NDNF: variants seen among roughly 807,000 people sequenced by gnomAD.
The protein encoded by NDNF is neuron derived neurotrophic factor.
In NDNF, 16 loss-of-function variants were observed where a neutral mutation model predicts 42.0. That is an observed-to-expected ratio of 0.38 (90% CI 0.26 to 0.58). The LOEUF (loss-of-function observed/expected upper bound fraction) is 0.58. Among genes scored for constraint, NDNF ranks in the 20% least tolerant of loss-of-function variants. The pLI is 0.67. For synonymous variants in NDNF, 248 were observed against 251.7 expected (o/e 0.99, Z 0.14); for missense variants, 616 against 666.2 (o/e 0.92, Z 0.83).
chr4:121,060,797 A>G (rs182995507), intron 1 of NDNF, among the ~76,000 whole-genome samples: 47 of 152,286 alleles, frequency 3.1e-4, no homozygotes. Flanking sequence ...ACTCTCCCTC[A>G]TCTTTACCCC....
intron 1 of NDNF, among the ~76,000 whole-genome samples, chr4:121,070,619 C>A (rs1727575169): frequency 6.6e-6 from 1 of 151,924 alleles, no homozygotes; most frequent in South Asian, 2.1e-4. Flanking sequence ...GGGAAAGCAG[C>A]AACTAAATGA....
chr4:121,039,249 A>G (rs185146351), intron 3 of NDNF, among the ~76,000 whole-genome samples: 29 of 140,498 alleles, frequency 2.1e-4, no homozygotes, highest in South Asian at 4.6e-4. Context: ...GACTATGTAT[A>G]TATATATAGT....
intron 1 of NDNF, among the ~76,000 whole-genome samples, chr4:121,061,988 A>G (rs1727420097): frequency 6.6e-6 from 1 of 152,216 alleles, no homozygotes; most frequent in South Asian, 2.1e-4. Flanking sequence ...TTCTTTTAAA[A>G]TTAAAAAGGT....
At chr4:121,057,083 G>A (rs932995330) in intron 1 of NDNF, among the ~76,000 whole-genome samples, 4 of 152,156 alleles carry the variant, frequency 2.6e-5, no homozygotes, top group African/African-American at 9.7e-5. Flanking sequence ...CTTATACTCA[G>A]TGGATAAGAG....
intron 3 of NDNF, chr4:121,038,829 T>A (rs1275977596): frequency 6.6e-6 from 1 of 151,204 alleles, no homozygotes; most frequent in Non-Finnish European, 1.5e-5. Flanking sequence ...TTTACAAAAA[T>A]ACAAAAAATT....
intron 1 of NDNF, among the ~76,000 whole-genome samples, chr4:121,065,124 T>A (rs1727477959): frequency 6.6e-6 from 1 of 152,178 alleles, no homozygotes; most frequent in Admixed American, 6.5e-5. Context: ...TATCTTGCAT[T>A]AATTTTGCTT....
intron 1 of NDNF, among the ~76,000 whole-genome samples, chr4:121,058,282 G>A (rs1197308017): frequency 6.6e-6 from 1 of 152,148 alleles, no homozygotes; most frequent in Non-Finnish European, 1.5e-5. Context: ...GAAGTTAGGG[G>A]CGGCTGTTTA....
chr4:121,046,650 G>C (rs1274486943), intron 1 of NDNF, among the ~76,000 whole-genome samples: 3 of 152,186 alleles, frequency 2.0e-5, no homozygotes, highest in Non-Finnish European at 4.4e-5. Context: ...AGCCAGAAAG[G>C]TGTATATTTA....
At position 121,036,850 on chromosome 4, in the gene NDNF, AC is replaced by A; in HGVS notation, c.1120del (p.Val374SerfsTer16). 6.2e-7 allele frequency: 1 copy of A among 1,614,122 alleles called. No individual in the cohort carries two copies. The highest frequency in any genetic ancestry group is 8.5e-7 in the Non-Finnish European group (1 of 1,180,020). On this transcript the variant is annotated frameshift_variant, in exon 4 of 4. Coordinates refer to ENST00000379692, the MANE Select transcript of NDNF (RefSeq NM_024574.4). LOFTEE classifies it high-confidence loss of function. ...CAGACAAGAGTGAATAAAGAAGGTG[AC>A]TTTTTGGTGAGAAGAGACTGGAGCA... ...RFAPVSSHQK[V>X]TFFIHSCLDA... is the part of the protein sequence containing the mutation.
chr4:121,040,140 AT>A (rs3836716), intron 2 of NDNF, 86 bp from the exon 3 acceptor site: 65 of 1,121,782 alleles, frequency 5.8e-5, no homozygotes, highest in African/African-American at 1.9e-4. Flanking sequence ...TTTGGTTTTA[AT>A]TTTTTTTTCA....
At position 121,036,995 on chromosome 4, in the gene NDNF, C is replaced by A; in HGVS notation, c.976G>T (p.Ala326Ser). The change falls in exon 4 of 4, where the codon GCT (alanine) becomes TCT (serine). Residue 326 changes from alanine to serine, a missense_variant. Physicochemically the swap from Ala to Ser is moderately conservative, Grantham distance 99 (BLOSUM62 1). Coordinates refer to ENST00000379692, the MANE Select transcript of NDNF (RefSeq NM_024574.4). Reference protein sequence around the residue: ...VVNINSNMSTAYVGTFARTKE... With the variant: ...VVNINSNMSTSYVGTFARTKE... ...GTCCTGGCAAAGGTACCTACATAAGCGGTGCTCATGTTGCTGTTGATGTTG... is the reference window on the plus strand; with the variant it reads ...GTCCTGGCAAAGGTACCTACATAAGAGGTGCTCATGTTGCTGTTGATGTTG... 1 of 1,613,934 alleles carries A rather than the reference C, an allele frequency of 6.2e-7. No homozygotes were observed. Among genetic ancestry groups the A allele is most frequent in the South Asian group, 1.1e-5 (1 of 91,074 alleles).
In NDNF at chr4:121,036,536, A is replaced by C. The variant is rs1367797091; in HGVS notation, c.1435T>G (p.Cys479Gly). ...WLGTQERNKF[C>G]IYKKEVDDNY... is the part of the protein sequence containing the mutation. The stretch of plus-strand genomic sequence containing the variant: ...TCATCCACTTCTTTTTTGTAGATGC[A>C]AAACTTGTTCCTTTCCTGAGTGCCT... The change falls in exon 4 of 4, where the codon TGC (cysteine) becomes GGC (glycine). Residue 479 changes from cysteine (C) to glycine (G), a missense_variant. Cys to Gly is a radical substitution (Grantham distance 159). Coordinates refer to ENST00000379692, the MANE Select transcript of NDNF (RefSeq NM_024574.4). 6.2e-7 allele frequency: 1 copy of C among 1,614,142 alleles called. No homozygotes were observed. The highest frequency in any genetic ancestry group is 8.5e-7 in the Non-Finnish European group (1 of 1,180,018).
chr4:121,068,620 GC>G (rs1023394199), intron 1 of NDNF, among the ~76,000 whole-genome samples: 2 of 152,104 alleles, frequency 1.3e-5, no homozygotes, highest in African/African-American at 4.8e-5. Flanking sequence ...CAAGTGATTA[GC>G]TGATGGCCAC....
chr4:121,042,226 T>C (rs1271120406), intron 2 of NDNF, among the ~76,000 whole-genome samples: 1 of 152,200 alleles, frequency 6.6e-6, no homozygotes, highest in East Asian at 1.9e-4. Flanking sequence ...TTGATCAACA[T>C]TTTAAAATAA....
intron 1 of NDNF, among the ~76,000 whole-genome samples, chr4:121,069,237 T>C (rs2148773858): frequency 6.6e-6 from 1 of 152,338 alleles, no homozygotes; most frequent in South Asian, 2.1e-4. Context: ...ATCGACCTGG[T>C]ATTGGCAATG....
At chr4:121,068,152 A>AT (rs562194025) in intron 1 of NDNF, among the ~76,000 whole-genome samples, 52 of 152,204 alleles carry the variant, frequency 3.4e-4, no homozygotes, top group Non-Finnish European at 7.2e-4. Flanking sequence ...CTACATGATT[A>AT]TTTTTTAACA....
At chr4:121,063,135 C>T (rs1461000688) in intron 1 of NDNF, among the ~76,000 whole-genome samples, 3 of 152,242 alleles carry the variant, frequency 2.0e-5, no homozygotes, top group South Asian at 2.1e-4. Context: ...AACCTCAACT[C>T]TTGCCTCTCA....
At chr4:121,064,098 A>G (rs1727460428) in intron 1 of NDNF, among the ~76,000 whole-genome samples, 1 of 152,236 alleles carries the variant, frequency 6.6e-6, no homozygotes, top group African/African-American at 2.4e-5. Flanking sequence ...AGACAAATTA[A>G]TGTGGCAACT....
chr4:121,052,759 G>C (rs1380880816), intron 1 of NDNF, among the ~76,000 whole-genome samples: 2 of 152,144 alleles, frequency 1.3e-5, no homozygotes, highest in Non-Finnish European at 2.9e-5. Flanking sequence ...CAAAAATGCA[G>C]CAATCAAAAG....
Sources: allele counts gnomAD v4.1 joint callset (sites outside exome capture counted in the v4.1 genomes callset), GRCh38; gene constraint gnomAD v4.1.1; transcripts MANE v1.5; gene names NCBI Gene and HGNC (gene_info 2026-07-23, HGNC 2026-07-21).